The following ZNRF2 variants were observed in gnomAD, a reference collection of about 807,000 sequenced individuals.
ZNRF2 encodes E3 ubiquitin-protein ligase ZNRF2.
Under a neutral mutation model 20.4 loss-of-function variants are expected in ZNRF2, and 16 were observed. That is an observed-to-expected ratio of 0.79 (90% confidence interval 0.53 to 1.19). ZNRF2 has a LOEUF of 1.19. Among genes scored for constraint, ZNRF2 ranks in the 50% most tolerant of loss-of-function variants. The probability of loss-of-function intolerance (pLI) is 0.00; values close to 1 mark genes in which losing one functional copy is unlikely to be tolerated. For missense variants in ZNRF2, 363 were observed against 332.4 expected, an observed-to-expected ratio of 1.09 and a Z score of -0.72; for synonymous variants, 178 against 144.9, an observed-to-expected ratio of 1.23 and a Z score of -1.64.
At chr7:30,327,187 T>A (rs562342453) in intron 2 of ZNRF2, among the ~76,000 whole-genome samples, 1 of 152,336 alleles carries the variant, frequency 6.6e-6, no homozygotes, top group South Asian at 2.1e-4. Context: ...TTTTGGTGCC[T>A]TTGTCATGAA....
chr7:30,285,739 C>T lies in ZNRF2; in HGVS notation c.382C>T (p.Arg128Trp). ...CAGCCCTGAGGACGGCGGCGGCGGC[C>T]GGGACCGGCCGGTGGGCGGGAGCCC... Reference protein sequence around the residue: ...HSSPEDGGGGRDRPVGGSPGG... With the variant: ...HSSPEDGGGGWDRPVGGSPGG... The change falls in exon 1 of 5, where the codon CGG (arginine) becomes TGG (tryptophan). Residue 128 changes from arginine (R) to tryptophan (W), a missense_variant. Arg to Trp is a moderately radical substitution (Grantham distance 101). Transcript: ENST00000323037. The T allele has an allele frequency of 5.4e-6, 8 of 1,470,968 alleles. No homozygotes were observed. Among genetic ancestry groups the T allele is most frequent in the Non-Finnish European group, 7.2e-6 (8 of 1,116,814 alleles). The allele number at this position is 1,470,968 out of a possible 1,614,324, so 91.1% of individuals were successfully genotyped here.
intron 1 of ZNRF2, among the ~76,000 whole-genome samples, chr7:30,315,805 A>T (rs1055947482): frequency 6.7e-6 from 1 of 150,084 alleles, no homozygotes; most frequent in Non-Finnish European, 1.5e-5. Flanking sequence ...ATGAGTCATT[A>T]CAGCATACTG....
At chr7:30,308,045 T>G (rs1184399314) in intron 1 of ZNRF2, among the ~76,000 whole-genome samples, 1 of 152,194 alleles carries the variant, frequency 6.6e-6, no homozygotes, top group Admixed American at 6.6e-5. Context: ...TTCCTGATAA[T>G]GAAGCCCTTT....
At chr7:30,323,197 G>A (rs975931431) in intron 1 of ZNRF2, among the ~76,000 whole-genome samples, 3 of 152,104 alleles carry the variant, frequency 2.0e-5, no homozygotes, top group African/African-American at 7.2e-5. Context: ...TAAGGTTATT[G>A]AGGTAGAATA....
rs187186620 is a variant in ZNRF2 at position 30,298,701 on chromosome 7, A to G, written c.469+12875A>G. Among the ~76,000 whole-genome samples, 3 of 152,248 alleles carry G rather than the reference A, an allele frequency of 2.0e-5. No individual in the cohort carries two copies. The East Asian group carries it at 5.8e-4, about 29-fold the overall frequency. On this transcript the variant is annotated intron_variant, in intron 1 of 4. Transcript: ENST00000323037. Reference sequence around the variant, plus strand: ...TCTAGAAACTTTTCCCTTTCCTAATAACAAGCTTGTAGTAGAGTGCCAGGG... The same window carrying G: ...TCTAGAAACTTTTCCCTTTCCTAATGACAAGCTTGTAGTAGAGTGCCAGGG...
intron 2 of ZNRF2, among the ~76,000 whole-genome samples, chr7:30,332,545 T>TC (rs1164171345): frequency 6.6e-6 from 1 of 152,168 alleles, no homozygotes; most frequent in Non-Finnish European, 1.5e-5. Flanking sequence ...CTTTTGGAGT[T>TC]CCCTGTGTCT....
chr7:30,324,018 A>T (rs1799513809), intron 2 of ZNRF2, among the ~76,000 whole-genome samples: 1 of 152,194 alleles, frequency 6.6e-6, no homozygotes, highest in Non-Finnish European at 1.5e-5. Context: ...TTTGTTAAAC[A>T]TAAATATAAT....
chr7:30,285,251 C>G lies in ZNRF2; in HGVS notation c.-107C>G. Reference sequence around the variant, plus strand: ...CGGCCCTGGACGTGCGGGGGCCTCTCTGGGCCGGCCGCGGCGCCTGGGCCC... The same window carrying G: ...CGGCCCTGGACGTGCGGGGGCCTCTGTGGGCCGGCCGCGGCGCCTGGGCCC... On this transcript the variant is annotated 5_prime_UTR_variant, in exon 1 of 5. Transcript: ENST00000323037. 1.2e-6 allele frequency: 1 copy of G among 854,636 alleles called. No individual in the cohort carries two copies. The highest frequency in any genetic ancestry group is 1.4e-6 in the Non-Finnish European group (1 of 696,168). The allele number at this position is 854,636 out of a possible 1,614,324, so 52.9% of individuals were successfully genotyped here.
At chr7:30,338,668 G>T (rs556931653) in intron 2 of ZNRF2, among the ~76,000 whole-genome samples, 1 of 152,078 alleles carries the variant, frequency 6.6e-6, no homozygotes, top group Admixed American at 6.6e-5. Flanking sequence ...TCTTTATCCA[G>T]TCTTTCATTG....
rs796880487 is a variant in ZNRF2 at position 30,315,726 on chromosome 7, GC to G, written c.470-7915del. Among the ~76,000 whole-genome samples, 111 of 88,850 alleles carry G rather than the reference GC, an allele frequency of 1.2e-3. 1 individual carries two copies. Among genetic ancestry groups the G allele is most frequent in the Admixed American group, 3.0e-3 (23 of 7,778 alleles). The allele number at this position is 88,850 out of a possible 152,430, so 58.3% of individuals were successfully genotyped here. A position where few individuals can be genotyped will look rare whatever the true frequency, so the allele number is the denominator to read the frequency against. On this transcript the variant is annotated intron_variant, in intron 1 of 4. Coordinates refer to ENST00000323037, the MANE Select transcript of ZNRF2 (RefSeq NM_147128.4). ...GTCCCTAACTAAAGAAAAAGGTGGGGCGGGGGGGGGGGGGTTGGGTATAAAG... is the reference window on the plus strand; with the variant it reads ...GTCCCTAACTAAAGAAAAAGGTGGGGGGGGGGGGGGGGGTTGGGTATAAAG...
chr7:30,358,910 A>G (rs1195566242), intron 3 of ZNRF2, among the ~76,000 whole-genome samples: 1 of 152,236 alleles, frequency 6.6e-6, no homozygotes, highest in Non-Finnish European at 1.5e-5. Context: ...GATGAAGACA[A>G]TAGAAACAAC....
At position 30,285,679 on chromosome 7, in the gene ZNRF2, A is replaced by G; in HGVS notation, c.322A>G (p.Ser108Gly). 6.9e-7 allele frequency: 1 copy of G among 1,441,750 alleles called. No homozygotes were observed. The highest frequency in any genetic ancestry group is 9.1e-7 in the Non-Finnish European group (1 of 1,103,828). The allele number at this position is 1,441,750 out of a possible 1,614,324, so 89.3% of individuals were successfully genotyped here. ...CCCCTTCAGCATCCCGAACAGCAGCAGCGGCCCGTACGGCTCGCAGGACTC... is the reference window on the plus strand; with the variant it reads ...CCCCTTCAGCATCCCGAACAGCAGCGGCGGCCCGTACGGCTCGCAGGACTC... ...QSPFSIPNSS[S>G]GPYGSQDSVH... The change falls in exon 1 of 5, where the codon AGC becomes GGC. Residue 108 changes from serine (S) to glycine (G), a missense_variant. Around this residue, in one of 2 missense-constraint regions of ZNRF2, gnomAD observed 302 missense variants for 231.5 expected, o/e 1.30. Transcript: ENST00000323037.
chr7:30,297,122 A>T (rs1428282713), intron 1 of ZNRF2, among the ~76,000 whole-genome samples: 1 of 152,178 alleles, frequency 6.6e-6, no homozygotes, highest in Non-Finnish European at 1.5e-5. Flanking sequence ...TCTTTTAAAA[A>T]TTTGTTAGTT....
intron 1 of ZNRF2, among the ~76,000 whole-genome samples, chr7:30,313,367 A>T (rs1338750827): frequency 1.3e-5 from 2 of 152,158 alleles, no homozygotes; most frequent in African/African-American, 4.8e-5. Flanking sequence ...TGAAACTAAC[A>T]TATTGCTCAT....
chr7:30,290,568 A>G (rs1259598103), intron 1 of ZNRF2, among the ~76,000 whole-genome samples: 2 of 152,240 alleles, frequency 1.3e-5, no homozygotes, highest in Non-Finnish European at 2.9e-5. Context: ...AACTGGTGCT[A>G]TGTTCTTACA....
chr7:30,292,876 G>C (rs1444455961), intron 1 of ZNRF2, among the ~76,000 whole-genome samples: 1 of 152,146 alleles, frequency 6.6e-6, no homozygotes, highest in African/African-American at 2.4e-5. Flanking sequence ...ACTGACCTGT[G>C]GTTTGCGGCT....
At chr7:30,296,225 T>G (rs549347194) in intron 1 of ZNRF2, among the ~76,000 whole-genome samples, 8 of 152,368 alleles carry the variant, frequency 5.3e-5, no homozygotes, top group Non-Finnish European at 1.2e-4. Flanking sequence ...GGTAAATTAA[T>G]TTTTGAACCA....
chr7:30,365,991 C>T (rs1800207943), intron 4 of ZNRF2, 44 bp from the exon 5 acceptor site: 2 of 152,074 alleles, frequency 1.3e-5, no homozygotes, highest in East Asian at 3.8e-4. Context: ...TGAAGACTTA[C>T]AGTAACTAAA....
intron 1 of ZNRF2, among the ~76,000 whole-genome samples, chr7:30,312,555 A>G (rs565084539): frequency 6.6e-6 from 1 of 152,280 alleles, no homozygotes; most frequent in East Asian, 1.9e-4. Flanking sequence ...CATATATTGG[A>G]GGGAGGATAT....
Sources: allele counts gnomAD v4.1 joint callset (sites outside exome capture counted in the v4.1 genomes callset), GRCh38; gene constraint gnomAD v4.1.1; regional missense constraint gnomAD v4.1.1; transcripts MANE v1.5; gene names NCBI Gene and HGNC (gene_info 2026-07-23, HGNC 2026-07-21).